Variants in ASTN1 observed in about 807,000 individuals in gnomAD.
ASTN1 encodes astrotactin-1.
A neutral mutation model predicts 140.7 loss-of-function variants in ASTN1; 41 were observed. The ratio of observed to expected loss-of-function variants is 0.29; its 90% CI spans 0.23 to 0.38. ASTN1 has a LOEUF of 0.38. ASTN1 is among the 10% of genes least tolerant of loss of function. The probability of loss-of-function intolerance (pLI) is 1.00; values close to 1 mark genes in which losing one functional copy is unlikely to be tolerated. For synonymous variants in ASTN1, 640 were observed against 652.2 expected, an observed-to-expected ratio of 0.98 and a Z score of 0.29; for missense variants, 1,479 against 1,678.8, an observed-to-expected ratio of 0.88 and a Z score of 2.08.
chr1:176,876,433 T>C (rs1668565187), intron 21 of ASTN1, 104 bp downstream of exon 21: 1 of 1,200,922 alleles, frequency 8.3e-7, no homozygotes, highest in Admixed American at 1.8e-5. Flanking sequence ...CCTGCTGAAC[T>C]CCAGGTTGTT....
At chr1:176,972,228 A>T (rs907930858) in intron 8 of ASTN1, among the ~76,000 whole-genome samples, 1 of 152,188 alleles carries the variant, frequency 6.6e-6, no homozygotes, top group African/African-American at 2.4e-5. Context: ...GTGGTACATG[A>T]CTGTACTTAC....
At chr1:176,985,773 G>A (rs1673863788) in intron 8 of ASTN1, among the ~76,000 whole-genome samples, 1 of 147,218 alleles carries the variant, frequency 6.8e-6, no homozygotes, top group Admixed American at 6.9e-5. Context: ...CCATTAAGTA[G>A]GATTTTTATT....
intron 16 of ASTN1, among the ~76,000 whole-genome samples, chr1:176,897,776 A>T (rs11804827): frequency 0.17 from 26,547 of 152,140 alleles, 3,199 homozygotes; most frequent in African/African-American, 0.34. Flanking sequence ...ATTAAAGGAA[A>T]ATTAAATTCC....
intron 12 of ASTN1, among the ~76,000 whole-genome samples, chr1:176,947,577 T>C (rs774301949): frequency 7.2e-5 from 11 of 152,202 alleles, no homozygotes; most frequent in Non-Finnish European, 1.2e-4. Context: ...GTCCAGGAAA[T>C]AGATGTGACT....
intron 1 of ASTN1, among the ~76,000 whole-genome samples, chr1:177,126,386 G>A (rs1213956178): frequency 6.6e-6 from 1 of 152,188 alleles, no homozygotes; most frequent in Non-Finnish European, 1.5e-5. Context: ...CTAACAAGCT[G>A]TACCCCTTGT....
chr1:176,884,966 T>C (rs529061863), intron 18 of ASTN1, among the ~76,000 whole-genome samples: 1 of 152,202 alleles, frequency 6.6e-6, no homozygotes, highest in Admixed American at 6.5e-5. Context: ...CTTATCAGGA[T>C]CTGCCGTGCT....
chr1:177,163,757 T>A (rs1055070017), intron 1 of ASTN1, among the ~76,000 whole-genome samples: 1 of 152,026 alleles, frequency 6.6e-6, no homozygotes, highest in Non-Finnish European at 1.5e-5. Flanking sequence ...GTGGATGTGG[T>A]TGAATTAGGG....
chr1:176,949,842 G>A (rs753419549), intron 11 of ASTN1, among the ~76,000 whole-genome samples: 1 of 152,164 alleles, frequency 6.6e-6, no homozygotes, highest in East Asian at 1.9e-4. Flanking sequence ...ACTGAGCCAG[G>A]GCTTCCAGCC....
chr1:177,087,914 C>G (rs1679559555), intron 1 of ASTN1, among the ~76,000 whole-genome samples: 1 of 152,220 alleles, frequency 6.6e-6, no homozygotes, highest in Admixed American at 6.5e-5. Flanking sequence ...CTTGCTGACA[C>G]CGGAGGCTGC....
At chr1:177,129,270 G>C (rs559741820) in intron 1 of ASTN1, among the ~76,000 whole-genome samples, 2 of 152,184 alleles carry the variant, frequency 1.3e-5, no homozygotes, top group African/African-American at 4.8e-5. Flanking sequence ...ATGAATTCCA[G>C]GTGAGAAACT....
chr1:176,992,538 C>T (rs1571617350), intron 8 of ASTN1, among the ~76,000 whole-genome samples: 1 of 152,284 alleles, frequency 6.6e-6, no homozygotes, highest in East Asian at 1.9e-4. Context: ...AAGAAGCAAG[C>T]TAGATGAGGA....
chr1:177,133,346 G>A lies in ASTN1; in HGVS notation c.283+31048C>T, dbSNP rs1305558605. ...GGGTCTGTCTAGATGCAAAGCCCAA[G>A]CTCTTCTTCTCTTTCCACAACATCT... On this transcript the variant is annotated intron_variant, in intron 1 of 22. Transcript: ENST00000361833. Among the ~76,000 whole-genome samples the A allele has an allele frequency of 2.6e-5, 4 of 152,286 alleles. No individual in the cohort carries two copies. The South Asian group carries it at 6.2e-4, about 24-fold the overall frequency.
chr1:177,080,286 T>C (rs561351925), intron 1 of ASTN1, among the ~76,000 whole-genome samples: 8 of 138,848 alleles, frequency 5.8e-5, no homozygotes, highest in African/African-American at 2.1e-4. Context: ...AAAAAACCGG[T>C]ATCACACTCT....
chr1:176,985,184 T>A (rs1038942653), intron 8 of ASTN1, among the ~76,000 whole-genome samples: 1 of 152,058 alleles, frequency 6.6e-6, no homozygotes, highest in Admixed American at 6.6e-5. Context: ...CTGCCAGGGG[T>A]AAAACAAAGC....
chr1:177,142,923 T>A (rs1571844362), intron 1 of ASTN1, among the ~76,000 whole-genome samples: 2 of 148,446 alleles, frequency 1.3e-5, no homozygotes, highest in African/African-American at 5.0e-5. Flanking sequence ...GGGTGCTGAG[T>A]TTCAAGAGCC....
intron 1 of ASTN1, among the ~76,000 whole-genome samples, chr1:177,129,445 A>T (rs1160367516): frequency 6.6e-6 from 1 of 152,216 alleles, no homozygotes; most frequent in South Asian, 2.1e-4. Flanking sequence ...GGAGGGATCA[A>T]TGCCACCGCC....
At chr1:177,126,571 T>C (rs763473440) in intron 1 of ASTN1, among the ~76,000 whole-genome samples, 1 of 152,172 alleles carries the variant, frequency 6.6e-6, no homozygotes. Flanking sequence ...GGATAAACAG[T>C]TGCTCCTTCC....
intron 1 of ASTN1, among the ~76,000 whole-genome samples, chr1:177,131,053 C>T (rs1360350228): frequency 6.6e-6 from 1 of 152,182 alleles, no homozygotes; most frequent in East Asian, 1.9e-4. Context: ...AGAAGCTGCT[C>T]TTGTCTATCC....
At chr1:177,157,745 G>C (rs1408138813) in intron 1 of ASTN1, among the ~76,000 whole-genome samples, 1 of 151,922 alleles carries the variant, frequency 6.6e-6, no homozygotes, top group African/African-American at 2.4e-5. Flanking sequence ...TTCCACAAGA[G>C]GTAACACTCG....
Sources: allele counts gnomAD v4.1 joint callset (sites outside exome capture counted in the v4.1 genomes callset), GRCh38; gene constraint gnomAD v4.1.1; transcripts MANE v1.5; gene names NCBI Gene and HGNC (gene_info 2026-07-23, HGNC 2026-07-21).